MSN: variants seen among roughly 807,000 people sequenced by gnomAD.
MSN encodes epididymis luminal protein 70.
Under a neutral mutation model 48.0 loss-of-function variants are expected in MSN, and 2 were observed. That is an observed-to-expected ratio of 0.04 (90% CI 0.02 to 0.13). The LOEUF (loss-of-function observed/expected upper bound fraction) is 0.13, where lower values mean the gene tolerates loss of function less well. MSN is among the 10% of genes least tolerant of loss of function. The probability of loss-of-function intolerance (pLI) is 1.00; values close to 1 mark genes in which losing one functional copy is unlikely to be tolerated. For missense variants in MSN, 267 were observed against 470.1 expected (o/e 0.57, Z 3.99); for synonymous variants, 146 against 166.9 (o/e 0.87, Z 0.97).
intron 1 of MSN, among the ~76,000 whole-genome samples, chrX:65,609,917 G>A (rs1395315477): frequency 9.0e-6 from 1 of 110,877 alleles, no homozygotes; most frequent in Admixed American, 9.6e-5. Context: ...CAACTTATTT[G>A]TGTGTATGTT....
chrX:65,614,667 G>GTT (rs747952838), intron 1 of MSN, among the ~76,000 whole-genome samples: 1 of 81,981 alleles, frequency 1.2e-5, no homozygotes, highest in Non-Finnish European at 2.5e-5. Context: ...TTGACTCTCT[G>GTT]TTTTTTTTTT....
At chrX:65,721,500 C>T (rs1169353981) in intron 2 of MSN, among the ~76,000 whole-genome samples, 1 of 104,543 alleles carries the variant, frequency 9.6e-6, no homozygotes, top group Admixed American at 9.6e-5. Flanking sequence ...TCAGGAAGTT[C>T]TTCTGGCTCA....
chrX:65,629,388 T>C (rs994081138), intron 1 of MSN, among the ~76,000 whole-genome samples: 4 of 112,115 alleles, frequency 3.6e-5, no homozygotes, highest in East Asian at 2.8e-4. Context: ...TCCCACATTT[T>C]CCTGTCTTCT....
intron 1 of MSN, among the ~76,000 whole-genome samples, chrX:65,612,721 C>T (rs2070330980): frequency 9.2e-6 from 1 of 108,787 alleles, no homozygotes; most frequent in Admixed American, 1.0e-4. Flanking sequence ...CCCCCACACC[C>T]AGCTAATTTC....
chrX:65,708,998 A>T (rs1342467726), intron 1 of MSN, among the ~76,000 whole-genome samples: 1 of 112,185 alleles, frequency 8.9e-6, no homozygotes, highest in Non-Finnish European at 1.9e-5. Context: ...TTCATTTTTT[A>T]TGGCTGAATA....
At chrX:65,626,204 G>A (rs1223217252) in intron 1 of MSN, among the ~76,000 whole-genome samples, 5 of 111,410 alleles carry the variant, frequency 4.5e-5, no homozygotes, top group Non-Finnish European at 7.5e-5. Flanking sequence ...TCCACCCGCC[G>A]TGGCCTCCCA....
chrX:65,650,024 T>G (rs1356600208), intron 1 of MSN, among the ~76,000 whole-genome samples: 9 of 104,995 alleles, frequency 8.6e-5, no homozygotes, highest in Non-Finnish European at 7.8e-5. Context: ...AGGTGGTTAA[T>G]ATAGACTCCA....
intron 1 of MSN, among the ~76,000 whole-genome samples, chrX:65,592,642 C>A (rs2070156888): frequency 8.9e-6 from 1 of 111,921 alleles, no homozygotes; most frequent in East Asian, 2.8e-4. Context: ...AGTATGTAAT[C>A]ACCTATAGAT....
intron 1 of MSN, among the ~76,000 whole-genome samples, chrX:65,673,141 T>C (rs1401598033): frequency 1.8e-5 from 2 of 111,442 alleles, no homozygotes; most frequent in African/African-American, 6.5e-5. Context: ...TGGAAAGAAA[T>C]AAACCAAGTG....
At chrX:65,604,964 T>A (rs1274482091) in intron 1 of MSN, among the ~76,000 whole-genome samples, 1 of 111,979 alleles carries the variant, frequency 8.9e-6, no homozygotes, top group Non-Finnish European at 1.9e-5. Context: ...AAAGTCGGTT[T>A]ATGTCATTCC....
chrX:65,639,497 C>A (rs868864579), intron 1 of MSN, among the ~76,000 whole-genome samples: 26 of 111,929 alleles, frequency 2.3e-4, no homozygotes, highest in African/African-American at 8.4e-4. Context: ...AGCCAGAACC[C>A]AAATCGGAAT....
chrX:65,630,589 AAAAAC>A (rs1369588200), intron 1 of MSN, among the ~76,000 whole-genome samples: 7 of 110,865 alleles, frequency 6.3e-5, no homozygotes, highest in African/African-American at 9.9e-5. Flanking sequence ...ACCCTGCCTC[AAAAAC>A]AAAACAAAAC....
intron 8 of MSN, among the ~76,000 whole-genome samples, chrX:65,735,681 C>T (rs916311770): frequency 1.8e-5 from 2 of 112,421 alleles, no homozygotes; most frequent in African/African-American, 6.5e-5. Context: ...AGAGGGAAAA[C>T]AATATATACA....
Position 65,736,096 on chromosome X carries a change from G to A in MSN, c.959+666G>A, listed in dbSNP as rs112330247. 7.3e-3 allele frequency among the ~76,000 whole-genome samples: 815 copies of A among 112,253 alleles called. 10 individuals are homozygous for A. The highest frequency in any genetic ancestry group is 0.025 in the African/African-American group (765 of 30,837). ...AGACCTGAGGACTGATGCACTAGCC[G>A]TAGAGATTACTAGACTTGAAGCACT... On this transcript the variant is annotated intron_variant, in intron 8 of 12. Coordinates refer to ENST00000360270, the MANE Select transcript of MSN (RefSeq NM_002444.3).
At chrX:65,659,308 C>G (rs2070805176) in intron 1 of MSN, among the ~76,000 whole-genome samples, 1 of 110,875 alleles carries the variant, frequency 9.0e-6, no homozygotes, top group African/African-American at 3.3e-5. Flanking sequence ...TACGTACCAC[C>G]ATGTCCAGCT....
At position 65,735,534 on chromosome X, in the gene MSN, T is replaced by G. The variant is rs762354828; in HGVS notation, c.959+104T>G. On this transcript the variant is annotated intron_variant, in intron 8 of 12. Coordinates refer to ENST00000360270, the MANE Select transcript of MSN (RefSeq NM_002444.3). ...GACATGAGGCCAACCTAGGACTTCA[T>G]AGATGAGAGGTTAGACACCAATATT... 3.3e-6 allele frequency: 3 copies of G among 902,235 alleles called. No homozygotes were observed. In the East Asian group the frequency reaches 1.0e-4, roughly 31 times the overall value. The allele number at this position is 902,235 out of a possible 1,213,427, so 74.4% of individuals were successfully genotyped here.
intron 1 of MSN, among the ~76,000 whole-genome samples, chrX:65,647,127 A>T (rs1456912410): frequency 9.0e-6 from 1 of 111,175 alleles, no homozygotes; most frequent in Non-Finnish European, 1.9e-5. Flanking sequence ...ACATTAATCA[A>T]CTCAAGACTC....
chrX:65,631,644 G>A (rs772488934), intron 1 of MSN, among the ~76,000 whole-genome samples: 1 of 111,071 alleles, frequency 9.0e-6, no homozygotes, highest in South Asian at 3.8e-4. Context: ...ACCCACTGAA[G>A]GACATTTGGG....
chrX:65,607,414 A>T (rs1439087637), intron 1 of MSN, among the ~76,000 whole-genome samples: 1 of 111,269 alleles, frequency 9.0e-6, no homozygotes, highest in Non-Finnish European at 1.9e-5. Flanking sequence ...ACCCCGATGT[A>T]CTCTCCATTC....
Sources: gnomAD v4.1 joint callset for allele counts (sites outside exome capture counted in the v4.1 genomes callset) on GRCh38, gnomAD v4.1.1 for gene constraint, MANE v1.5 for transcripts, NCBI Gene and HGNC (gene_info 2026-07-23, HGNC 2026-07-21) for gene names.